The following C6orf132 variants were observed in gnomAD, a reference collection of about 807,000 sequenced individuals.
C6orf132 encodes chromosome 6 open reading frame 132.
C6orf132 carries 43 observed loss-of-function variants against 65.3 expected under a neutral mutation model. The ratio of observed to expected loss-of-function variants is 0.66; its 90% CI spans 0.52 to 0.85. C6orf132 has a LOEUF of 0.85. Ranked by LOEUF, C6orf132 falls within the 40% of genes least tolerant of loss-of-function variation. The pLI, the probability that C6orf132 is intolerant of heterozygous loss-of-function variation, is 0.00. For missense variants in C6orf132, 1,488 were observed against 1,548.8 expected, an observed-to-expected ratio of 0.96 and a Z score of 0.66; for synonymous variants, 631 against 654.1, an observed-to-expected ratio of 0.96 and a Z score of 0.54.
chr6:42,117,757 A>G (rs1280387290), intron 2 of C6orf132, among the ~76,000 whole-genome samples: 5 of 151,824 alleles, frequency 3.3e-5, no homozygotes, highest in Non-Finnish European at 7.4e-5. Context: ...CCCCATCTCT[A>G]CTAACAATAC....
At chr6:42,132,140 T>C (rs893638476) in intron 1 of C6orf132, among the ~76,000 whole-genome samples, 4 of 152,204 alleles carry the variant, frequency 2.6e-5, no homozygotes, top group African/African-American at 9.7e-5. Context: ...AACAAAGTCT[T>C]GCCAACACCT....
Position 42,106,198 on chromosome 6 carries a change from C to T in C6orf132, c.1714G>A (p.Ala572Thr), listed in dbSNP as rs1231697887. The change falls in exon 4 of 5, where the codon GCC becomes ACC. Residue 572 changes from alanine (A) to threonine (T), a missense_variant. Coordinates refer to ENST00000341865, the MANE Select transcript of C6orf132 (RefSeq NM_001164446.3). ...TTCTCTGCTGCTGAGGAGAGCCGGG[C>T]CTCCAGCTCATTCCGGATCTGCCGC... ...SVRQIRNELE[A>T]RLSSAAEKEA... 1.3e-6 allele frequency: 2 copies of T among 1,537,088 alleles called. No homozygotes were observed. Among genetic ancestry groups the T allele is most frequent in the Non-Finnish European group, 1.7e-6 (2 of 1,146,904 alleles).
chr6:42,110,215 C>T lies in C6orf132; in HGVS notation c.328+1G>A, dbSNP rs1300033616. On this transcript the variant is annotated splice_donor_variant, in intron 3 of 4. Coordinates refer to ENST00000341865, the MANE Select transcript of C6orf132 (RefSeq NM_001164446.3). LOFTEE classifies it high-confidence loss of function. ...AAGCCCCAAGCCCAGGGTTCACTTA[C>T]CTGTCACTTCTTTGTCTGCAAAATC... 1 of 1,548,124 alleles carries T rather than the reference C, an allele frequency of 6.5e-7. No individual in the cohort carries two copies. The highest frequency in any genetic ancestry group is 8.7e-7 in the Non-Finnish European group (1 of 1,145,582).
At position 42,103,815 on chromosome 6, in the gene C6orf132, G is replaced by A. The variant is rs1196160768; in HGVS notation, c.3513C>T (p.Thr1171=). 2 of 1,490,918 alleles carry A rather than the reference G, an allele frequency of 1.3e-6. No individual in the cohort carries two copies. Among genetic ancestry groups the A allele is most frequent in the Non-Finnish European group, 1.8e-6 (2 of 1,122,928 alleles). The allele number at this position is 1,490,918 out of a possible 1,614,324, so 92.4% of individuals were successfully genotyped here. A position where few individuals can be genotyped will look rare whatever the true frequency, so the allele number is the denominator to read the frequency against. The change falls in exon 5 of 5, where the codon ACC becomes ACT. Residue 1171 remains threonine (T), a synonymous_variant. Coordinates refer to ENST00000341865, the MANE Select transcript of C6orf132 (RefSeq NM_001164446.3). ...AGCAGACATAGGAGATGGGATGGCG[G>A]GTCCCAGGCCTCACGGTGAACGTGT... ...PINTFTVRPG[T]RHPISYVCSG... is the part of the protein sequence containing the mutation.
Position 42,107,337 on chromosome 6 carries a change from G to T in C6orf132, c.575C>A (p.Pro192Gln). The T allele has an allele frequency of 1.6e-6, 2 of 1,289,598 alleles. No individual in the cohort carries two copies. Among genetic ancestry groups the T allele is most frequent in the Non-Finnish European group, 2.1e-6 (2 of 957,696 alleles). 79.9% of individuals were successfully genotyped at this position (1,289,598 alleles called of 1,614,324 possible). A position where few individuals can be genotyped will look rare whatever the true frequency, so the allele number is the denominator to read the frequency against. ...PPPSMAPPPP[P>Q]VLEALSPPHT... ...TGGTGGGGATAGGGCCTCCAATACT[G>T]GGGGTGGAGGTGGGGCCATGCTGGG... Residue 192 changes from proline to glutamine, a missense_variant, in exon 4 of 5, where the codon CCA becomes CAA. Transcript: ENST00000341865.
intron 2 of C6orf132, among the ~76,000 whole-genome samples, chr6:42,115,219 G>A (rs573180796): frequency 6.6e-6 from 1 of 150,512 alleles, no homozygotes; most frequent in African/African-American, 2.5e-5. Context: ...GAACCCGGGA[G>A]GCAGAGGTTG....
intron 1 of C6orf132, among the ~76,000 whole-genome samples, chr6:42,137,882 C>A (rs1395383591): frequency 3.3e-5 from 5 of 151,942 alleles, no homozygotes; most frequent in Non-Finnish European, 7.4e-5. Context: ...CGAGACCATC[C>A]TGGCCAACAT....
rs756671705 is a variant in C6orf132, at chr6:42,106,964, T to G, written c.948A>C (p.Pro316=). The change falls in exon 4 of 5, where the codon CCA becomes CCC. Residue 316 remains proline, a synonymous_variant. Coordinates refer to ENST00000341865, the MANE Select transcript of C6orf132 (RefSeq NM_001164446.3). ...PPTPVRTSSI[P]VQEAQEAPRK... The stretch of plus-strand genomic sequence containing the variant: ...GGGGAGCCTCTTGTGCTTCCTGAAC[T>G]GGGATGGACGAAGTCCTGACTGGGG... 1.4e-4 allele frequency: 207 copies of G among 1,532,848 alleles called. 1 individual carries two copies. The African/African-American group carries it at 2.6e-3, about 19-fold the overall frequency. 95.0% of individuals were successfully genotyped at this position (1,532,848 alleles called of 1,614,324 possible).
In C6orf132 at chr6:42,103,716, C is replaced by A; in HGVS notation, c.*45G>T. Reference sequence around the variant, plus strand: ...CCCACAAGAAACAAGTGCCCAGATCCTTAAAGACACAGTTTGTTGGAGTAG... The same window carrying A: ...CCCACAAGAAACAAGTGCCCAGATCATTAAAGACACAGTTTGTTGGAGTAG... On this transcript the variant is annotated 3_prime_UTR_variant, in exon 5 of 5. Coordinates refer to ENST00000341865, the MANE Select transcript of C6orf132 (RefSeq NM_001164446.3). 8.1e-7 allele frequency: 1 copy of A among 1,229,010 alleles called. No individual in the cohort carries two copies. Among genetic ancestry groups the A allele is most frequent in the South Asian group, 2.3e-5 (1 of 42,744 alleles). The allele number at this position is 1,229,010 out of a possible 1,614,324, so 76.1% of individuals were successfully genotyped here. A position where few individuals can be genotyped will look rare whatever the true frequency, so the allele number is the denominator to read the frequency against.
intron 2 of C6orf132, among the ~76,000 whole-genome samples, chr6:42,112,010 C>T (rs570086732): frequency 7.1e-6 from 1 of 140,554 alleles, no homozygotes; most frequent in East Asian, 2.1e-4. Flanking sequence ...GTAGCTTCAC[C>T]GACTCCCTCC....
rs768014198 is a variant in C6orf132 at position 42,107,054 on chromosome 6, G to T, written c.858C>A (p.Ser286Arg). 1.4e-4 allele frequency: 207 copies of T among 1,503,328 alleles called. No homozygotes were observed. The highest frequency in any genetic ancestry group is 1.7e-4 in the Non-Finnish European group (192 of 1,127,880). 93.1% of individuals were successfully genotyped at this position (1,503,328 alleles called of 1,614,324 possible). A position where few individuals can be genotyped will look rare whatever the true frequency, so the allele number is the denominator to read the frequency against. The change falls in exon 4 of 5, where the codon AGC becomes AGA. Residue 286 changes from serine to arginine, a missense_variant. Ser to Arg is a moderately radical substitution (Grantham distance 110). Transcript: ENST00000341865. ...GGGGCTCTGGGTTAGGTCCCAGGGC[G>T]CTCCCCTTTGGCTCAGCAGGGCTTC... ...PPRSPAEPKG[S>R]ALGPNPEPHL...
chr6:42,103,537 G>A lies in C6orf132; in HGVS notation c.*224C>T, dbSNP rs1582266044. Reference sequence around the variant, plus strand: ...CCCTCCTTCCCCTCCCACCCCCCACGTGTAAACAGTCCACAGTCACACCAG... The same window carrying A: ...CCCTCCTTCCCCTCCCACCCCCCACATGTAAACAGTCCACAGTCACACCAG... On this transcript the variant is annotated 3_prime_UTR_variant, in exon 5 of 5. Transcript: ENST00000341865. 2 of 170,008 alleles carry A rather than the reference G, an allele frequency of 1.2e-5. No individual in the cohort carries two copies. The highest frequency in any genetic ancestry group is 7.5e-5 in the Admixed American group (1 of 13,400). The allele number at this position is 170,008 out of a possible 1,614,324, so 10.5% of individuals were successfully genotyped here.
At position 42,105,221 on chromosome 6, in the gene C6orf132, C is replaced by CT. The variant is rs1562032340; in HGVS notation, c.2690dup (p.Leu898ValfsTer6). 6.5e-7 allele frequency: 1 copy of CT among 1,537,178 alleles called. No homozygotes were observed. Among genetic ancestry groups the CT allele is most frequent in the Non-Finnish European group, 8.7e-7 (1 of 1,146,898 alleles). On this transcript the variant is annotated frameshift_variant, in exon 4 of 5. Coordinates refer to ENST00000341865, the MANE Select transcript of C6orf132 (RefSeq NM_001164446.3). LOFTEE classifies it high-confidence loss of function. Reference sequence around the variant, plus strand: ...AGTCCTTCTCAGCCTCCTTGGGTAACTTGGGCACCACAGTGAAGGAGTTGG... The same window carrying CT: ...AGTCCTTCTCAGCCTCCTTGGGTAACTTTGGGCACCACAGTGAAGGAGTTGG...
At chr6:42,132,393 T>C (rs1273769496) in intron 1 of C6orf132, among the ~76,000 whole-genome samples, 4 of 151,910 alleles carry the variant, frequency 2.6e-5, no homozygotes, top group African/African-American at 4.8e-5. Context: ...CATGCACCTG[T>C]AGTCCCAGCT....
In C6orf132 at chr6:42,104,242, CGA is replaced by C. The variant is rs1766346194; in HGVS notation, c.3449+219_3449+220del. Among the ~76,000 whole-genome samples, 1 of 152,118 alleles carries C rather than the reference CGA, an allele frequency of 6.6e-6. No homozygotes were observed. The highest frequency in any genetic ancestry group is 2.1e-4 in the South Asian group (1 of 4,834). ...ATCTAGCGGGCAGGAGAGAGACAGA[CGA>C]GAGGAGCTGGTGGGGAAAGAGAAGG... On this transcript the variant is annotated intron_variant, in intron 4 of 4. Coordinates refer to ENST00000341865, the MANE Select transcript of C6orf132 (RefSeq NM_001164446.3). The surrounding 1 kb of genome is among the most constrained non-coding windows in gnomAD (Gnocchi z 4.1).
chr6:42,124,280 T>C lies in C6orf132; in HGVS notation c.252+4392A>G, dbSNP rs1766733200. ...AGCTGGCCTTTGGCTGCTGGATGCC[T>C]GATAAACACTTCGTAATTCCCAGCA... On this transcript the variant is annotated intron_variant, in intron 2 of 4. Transcript: ENST00000341865. This position sits in a 1 kb window ranked among gnomAD's most constrained non-coding sequence, Gnocchi z 4.0. Among the ~76,000 whole-genome samples the C allele has an allele frequency of 6.6e-6, 1 of 152,212 alleles. No individual in the cohort carries two copies. Among genetic ancestry groups the C allele is most frequent in the South Asian group, 2.1e-4 (1 of 4,836 alleles).
chr6:42,138,202 A>C (rs1173428776), intron 1 of C6orf132, among the ~76,000 whole-genome samples: 1 of 152,208 alleles, frequency 6.6e-6, no homozygotes, highest in African/African-American at 2.4e-5. Context: ...GCTGGAGTGC[A>C]GTGGTGCCAT....
At position 42,124,086 on chromosome 6, in the gene C6orf132, T is replaced by C. The variant is rs951162137; in HGVS notation, c.252+4586A>G. Among the ~76,000 whole-genome samples, 1 of 152,144 alleles carries C rather than the reference T, an allele frequency of 6.6e-6. No homozygotes were observed. Among genetic ancestry groups the C allele is most frequent in the Non-Finnish European group, 1.5e-5 (1 of 68,010 alleles). On this transcript the variant is annotated intron_variant, in intron 2 of 4. Transcript: ENST00000341865. This position sits in a 1 kb window ranked among gnomAD's most constrained non-coding sequence, Gnocchi z 4.0. The stretch of plus-strand genomic sequence containing the variant: ...TGGCTGGGGAGACCCTTGAGGACTA[T>C]GCAGTGTGACCCCCACTGTTGGGTG...
chr6:42,105,133 T>C lies in C6orf132; in HGVS notation c.2779A>G (p.Thr927Ala), dbSNP rs1766372732. 1 of 1,536,982 alleles carries C rather than the reference T, an allele frequency of 6.5e-7. No individual in the cohort carries two copies. The highest frequency in any genetic ancestry group is 8.7e-7 in the Non-Finnish European group (1 of 1,146,812). The change falls in exon 4 of 5, where the codon ACA becomes GCA. Residue 927 changes from threonine (T) to alanine (A), a missense_variant. Transcript: ENST00000341865. ...CAGTTGTGCCTGCGGCTCAGCTCTG[T>C]GCCCTCTGCGTCTCTTCCCAGCCGC... The part of the protein sequence containing the change: ...GPRLGRDAEG[T>A]ELSRRHNWTK...
Sources: allele counts gnomAD v4.1 joint callset (sites outside exome capture counted in the v4.1 genomes callset), GRCh38; gene constraint gnomAD v4.1.1; non-coding constraint Gnocchi (gnomAD v3.1); transcripts MANE v1.5; gene names NCBI Gene and HGNC (gene_info 2026-07-23, HGNC 2026-07-21).